RUNDC3B: variants seen among roughly 807,000 people sequenced by gnomAD.
RUNDC3B encodes RUN domain containing 3B.
A neutral mutation model predicts 58.4 loss-of-function variants in RUNDC3B; 33 were observed. That is an observed-to-expected ratio of 0.56 (90% CI 0.43 to 0.75). RUNDC3B has a LOEUF of 0.75. RUNDC3B is among the 30% of genes least tolerant of loss of function. The pLI, the probability that RUNDC3B is intolerant of heterozygous loss-of-function variation, is 0.00. For synonymous variants in RUNDC3B, 193 were observed against 195.2 expected, an observed-to-expected ratio of 0.99 and a Z score of 0.10; for missense variants, 501 against 535.7, an observed-to-expected ratio of 0.94 and a Z score of 0.64.
intron 4 of RUNDC3B, among the ~76,000 whole-genome samples, chr7:87,715,952 G>C (rs1830531810): frequency 6.6e-6 from 1 of 152,068 alleles, no homozygotes; most frequent in African/African-American, 2.4e-5. Flanking sequence ...ATAAAGACAG[G>C]AATTATCATT....
intron 3 of RUNDC3B, among the ~76,000 whole-genome samples, chr7:87,704,790 T>G (rs538657260): frequency 6.6e-6 from 1 of 152,198 alleles, no homozygotes; most frequent in Non-Finnish European, 1.5e-5. Context: ...TGGAGAAAGA[T>G]TACCTCTCTT....
intron 2 of RUNDC3B, among the ~76,000 whole-genome samples, chr7:87,679,670 G>GGAT (rs1826733084): frequency 6.7e-6 from 1 of 150,330 alleles, no homozygotes; most frequent in South Asian, 2.1e-4. Context: ...GATTACAAGT[G>GGAT]TGAACCACTG....
intron 4 of RUNDC3B, among the ~76,000 whole-genome samples, chr7:87,723,723 C>A (rs1831041509): frequency 6.6e-6 from 1 of 152,006 alleles, no homozygotes; most frequent in Non-Finnish European, 1.5e-5. Context: ...TTGTGCATTT[C>A]ATATAAAAAT....
At chr7:87,814,163 C>T (rs1270330612) in intron 9 of RUNDC3B, among the ~76,000 whole-genome samples, 3 of 149,066 alleles carry the variant, frequency 2.0e-5, no homozygotes, top group South Asian at 2.1e-4. Context: ...TGCAGTGGCA[C>T]GATCTTGGCT....
intron 10 of RUNDC3B, among the ~76,000 whole-genome samples, chr7:87,817,983 T>C (rs1837165678): frequency 6.6e-6 from 1 of 152,180 alleles, no homozygotes; most frequent in South Asian, 2.1e-4. Context: ...ATTTTCTGCT[T>C]TCTTTAAGTT....
At chr7:87,727,367 G>T (rs1456212514) in intron 4 of RUNDC3B, among the ~76,000 whole-genome samples, 1 of 152,072 alleles carries the variant, frequency 6.6e-6, no homozygotes, top group Non-Finnish European at 1.5e-5. Context: ...ATTATCTCAT[G>T]GATGCAGAAA....
intron 10 of RUNDC3B, among the ~76,000 whole-genome samples, chr7:87,822,050 T>C (rs1290912681): frequency 1.3e-5 from 2 of 151,896 alleles, no homozygotes; most frequent in Non-Finnish European, 2.9e-5. Flanking sequence ...TGGGATCTAA[T>C]TAAACTAAAG....
intron 6 of RUNDC3B, among the ~76,000 whole-genome samples, chr7:87,768,551 C>T (rs956052325): frequency 6.6e-6 from 1 of 152,218 alleles, no homozygotes; most frequent in African/African-American, 2.4e-5. Flanking sequence ...TGGTGCTCTG[C>T]CCACAGGATG....
intron 1 of RUNDC3B, among the ~76,000 whole-genome samples, chr7:87,642,289 T>G (rs926050899): frequency 6.6e-6 from 1 of 152,020 alleles, no homozygotes; most frequent in Non-Finnish European, 1.5e-5. Context: ...TTTCGTAGCA[T>G]TCTAGTGTTG....
intron 2 of RUNDC3B, among the ~76,000 whole-genome samples, chr7:87,674,941 T>C (rs564580219): frequency 7.9e-4 from 121 of 152,322 alleles, no homozygotes; most frequent in Non-Finnish European, 1.1e-3. Context: ...TGTGCTCCAG[T>C]GCAGCTCTTC....
intron 3 of RUNDC3B, among the ~76,000 whole-genome samples, chr7:87,703,224 T>C (rs571375297): frequency 5.4e-4 from 82 of 152,294 alleles, no homozygotes; most frequent in African/African-American, 1.6e-3. Flanking sequence ...TTTCCAAGTT[T>C]TTTGTTCTTG....
intron 1 of RUNDC3B, among the ~76,000 whole-genome samples, chr7:87,645,022 A>C (rs1194310872): frequency 1.3e-5 from 2 of 151,790 alleles, no homozygotes; most frequent in East Asian, 3.9e-4. Flanking sequence ...TGACAAAGGG[A>C]AAAAGGTAGT....
At position 87,720,537 on chromosome 7, in the gene RUNDC3B, G is replaced by GAT. The variant is rs201290808; in HGVS notation, c.458+9887_458+9888dup. The stretch of plus-strand genomic sequence containing the variant: ...TATCACAAATTTAAGCAGAAGATAG[G>GAT]ATATATGTGTGTGTGTGTGTGTGTG... On this transcript the variant is annotated intron_variant, in intron 4 of 10. Transcript: ENST00000394654. Among the ~76,000 whole-genome samples, 8 of 105,120 alleles carry GAT rather than the reference G, an allele frequency of 7.6e-5. No homozygotes were observed. The Admixed American group carries it at 8.0e-4, about 10-fold the overall frequency. The allele number at this position is 105,120 out of a possible 152,430, so 69.0% of individuals were successfully genotyped here. A position where few individuals can be genotyped will look rare whatever the true frequency, so the allele number is the denominator to read the frequency against.
intron 2 of RUNDC3B, among the ~76,000 whole-genome samples, chr7:87,658,066 A>G (rs1404887355): frequency 6.6e-6 from 1 of 152,220 alleles, no homozygotes; most frequent in Non-Finnish European, 1.5e-5. Context: ...AAAGATAGTC[A>G]ATAGATGTCA....
intron 6 of RUNDC3B, among the ~76,000 whole-genome samples, chr7:87,752,588 C>T (rs1490958144): frequency 6.6e-6 from 1 of 152,124 alleles, no homozygotes; most frequent in Admixed American, 6.6e-5. Context: ...TCAACTTCTT[C>T]CTGGTTTAGT....
chr7:87,828,416 C>T (rs576516001), intron 10 of RUNDC3B, among the ~76,000 whole-genome samples: 1 of 152,212 alleles, frequency 6.6e-6, no homozygotes, highest in East Asian at 1.9e-4. Context: ...CCACTGCCAT[C>T]TTTATATCCA....
chr7:87,732,929 C>A (rs919631220), intron 4 of RUNDC3B, among the ~76,000 whole-genome samples: 1 of 152,112 alleles, frequency 6.6e-6, no homozygotes, highest in Admixed American at 6.5e-5. Context: ...CTTTCCATAA[C>A]GTATGATTAA....
intron 8 of RUNDC3B, among the ~76,000 whole-genome samples, chr7:87,792,453 C>G (rs1167152083): frequency 6.6e-6 from 1 of 151,978 alleles, no homozygotes; most frequent in East Asian, 1.9e-4. Context: ...AGGATACACC[C>G]TATGTTAAGT....
At chr7:87,640,612 TG>T (rs1324255147) in intron 1 of RUNDC3B, among the ~76,000 whole-genome samples, 1 of 152,216 alleles carries the variant, frequency 6.6e-6, no homozygotes, top group African/African-American at 2.4e-5. Context: ...CCAAAAGTGT[TG>T]GAATGACAGG....
Sources: gnomAD v4.1 joint callset for allele counts (sites outside exome capture counted in the v4.1 genomes callset) on GRCh38, gnomAD v4.1.1 for gene constraint, MANE v1.5 for transcripts, NCBI Gene and HGNC (gene_info 2026-07-23, HGNC 2026-07-21) for gene names.